Variants in FBN2 observed in about 807,000 individuals in gnomAD.
FBN2 encodes the protein fibrillin 2, also known as fibrillin-2.
In FBN2, 105 loss-of-function variants were observed where a neutral mutation model predicts 355.6. That is an observed-to-expected ratio of 0.30 (90% CI 0.25 to 0.35). FBN2 has a LOEUF of 0.35. Among genes scored for constraint, FBN2 ranks in the 10% least tolerant of loss-of-function variants. The pLI is 1.00. For missense variants in FBN2, 3,280 were observed against 3,758.7 expected (o/e 0.87, Z 3.33); for synonymous variants, 1,350 against 1,301.2 (o/e 1.04, Z -0.81).
At chr5:128,294,480 C>G (rs1581194573) in intron 48 of FBN2, among the ~76,000 whole-genome samples, 1 of 152,074 alleles carries the variant, frequency 6.6e-6, no homozygotes, top group East Asian at 1.9e-4. Flanking sequence ...CCTATTTCTC[C>G]ACATCCTCCC....
At chr5:128,276,866 G>A (rs531777621) in intron 58 of FBN2, among the ~76,000 whole-genome samples, 3 of 152,194 alleles carry the variant, frequency 2.0e-5, no homozygotes, top group Admixed American at 6.5e-5. Flanking sequence ...ACAGCACTAC[G>A]CCTCCTGGCT....
intron 47 of FBN2, 79 bp from the exon 48 acceptor site, chr5:128,301,015 T>C (rs1471800438): frequency 5.1e-6 from 7 of 1,372,270 alleles, no homozygotes; most frequent in South Asian, 1.2e-5. Context: ...CCAAATGATA[T>C]TAACATGAAT....
intron 31 of FBN2, among the ~76,000 whole-genome samples, chr5:128,333,632 G>A (rs1311326197): frequency 6.6e-6 from 1 of 151,750 alleles, no homozygotes; most frequent in Non-Finnish European, 1.5e-5. Context: ...TATTCACTGG[G>A]AATGTTATCT....
Position 128,291,585 on chromosome 5 carries a change from A to G in FBN2, c.6236T>C (p.Phe2079Ser). Residue 2079 changes from phenylalanine to serine, a missense_variant, in exon 49 of 65, where the codon TTC (phenylalanine) becomes TCC (serine). Phe to Ser is a radical substitution (Grantham distance 155). This residue lies in a region of FBN2 where 2,284 missense variants were observed against 2,749.5 expected (regional missense o/e 0.83). Transcript: ENST00000262464. ...AAAGCCAGGGGGGCAGAGGCACTGG[A>G]AGCCCCCTGGAGTATTAGTACAGGA... Reference protein sequence around the residue: ...FGSCTNTPGGFQCLCPPGFVL... With the variant: ...FGSCTNTPGGSQCLCPPGFVL... The G allele has an allele frequency of 6.2e-7, 1 of 1,613,532 alleles. No individual in the cohort carries two copies. The highest frequency in any genetic ancestry group is 1.1e-5 in the South Asian group (1 of 91,072).
At chr5:128,488,737 GA>G (rs1755416892) in intron 5 of FBN2, among the ~76,000 whole-genome samples, 1 of 150,990 alleles carries the variant, frequency 6.6e-6, no homozygotes, top group Non-Finnish European at 1.5e-5. Context: ...ATCTATGAGT[GA>G]GAACATGTGG....
At chr5:128,446,389 G>C in intron 7 of FBN2, 92 bp downstream of exon 7, 10 of 1,315,416 alleles carry the variant, frequency 7.6e-6, no homozygotes, top group Non-Finnish European at 9.8e-6. Flanking sequence ...AGTTTTAATT[G>C]TGACCAGTAG....
At chr5:128,356,608 T>A (rs192342302) in intron 20 of FBN2, among the ~76,000 whole-genome samples, 1 of 152,350 alleles carries the variant, frequency 6.6e-6, no homozygotes, top group African/African-American at 2.4e-5. Context: ...TGGGACAGTT[T>A]TGTTCCCTTT....
chr5:128,429,374 T>C (rs1415307279), intron 7 of FBN2, among the ~76,000 whole-genome samples: 3 of 152,082 alleles, frequency 2.0e-5, no homozygotes, highest in Non-Finnish European at 4.4e-5. Context: ...CTGAAGACAA[T>C]GGTTTACAGT....
intron 7 of FBN2, among the ~76,000 whole-genome samples, chr5:128,411,587 T>C (rs1268289149): frequency 1.3e-5 from 2 of 152,210 alleles, no homozygotes; most frequent in Non-Finnish European, 2.9e-5. Flanking sequence ...AGATGCTTCT[T>C]CTCTCCTTCC....
Position 128,311,439 on chromosome 5 carries a change from G to T in FBN2, c.4949-14C>A. 1 of 1,613,756 alleles carries T rather than the reference G, an allele frequency of 6.2e-7. No individual in the cohort carries two copies. The highest frequency in any genetic ancestry group is 1.1e-5 in the South Asian group (1 of 91,080). ...ATTCGTCAATGTCTACAAAAAGGGA[G>T]ACAGTGCACTTAAAACAAACACCTT... On this transcript the variant is annotated splice_polypyrimidine_tract_variant and intron_variant, in intron 38 of 64. Coordinates refer to ENST00000262464, the MANE Select transcript of FBN2 (RefSeq NM_001999.4).
At chr5:128,302,947 A>C (rs749974985) in intron 46 of FBN2, 26 bp downstream of exon 46, 1 of 1,167,816 alleles carries the variant, frequency 8.6e-7, no homozygotes. Context: ...AAATAGAAGC[A>C]ATAAAGGACT....
intron 5 of FBN2, among the ~76,000 whole-genome samples, chr5:128,495,230 T>C (rs1318540981): frequency 6.6e-6 from 1 of 151,860 alleles, no homozygotes; most frequent in Non-Finnish European, 1.5e-5. Context: ...TGGTGATAGA[T>C]CTATAGAGAG....
At chr5:128,445,863 A>T (rs1754051756) in intron 7 of FBN2, among the ~76,000 whole-genome samples, 1 of 152,160 alleles carries the variant, frequency 6.6e-6, no homozygotes, top group Admixed American at 6.5e-5. Flanking sequence ...TTATTCTATT[A>T]AGAACTGCTA....
intron 5 of FBN2, among the ~76,000 whole-genome samples, chr5:128,517,999 G>C (rs17164089): frequency 2.5e-4 from 38 of 152,024 alleles, no homozygotes; most frequent in Admixed American, 5.9e-4. Flanking sequence ...CACATTTTAC[G>C]AAGTTTAACT....
chr5:128,410,999 C>A (rs1322338029), intron 7 of FBN2, among the ~76,000 whole-genome samples: 1 of 152,158 alleles, frequency 6.6e-6, no homozygotes, highest in Non-Finnish European at 1.5e-5. Flanking sequence ...CTGACCAAAA[C>A]CCCTGCATTT....
At chr5:128,485,955 C>A (rs1423972559) in intron 5 of FBN2, among the ~76,000 whole-genome samples, 1 of 152,136 alleles carries the variant, frequency 6.6e-6, no homozygotes, top group African/African-American at 2.4e-5. Flanking sequence ...TTCTAAACAA[C>A]TGAGTGATCA....
chr5:128,273,368 C>T (rs544783835), intron 61 of FBN2, among the ~76,000 whole-genome samples: 2 of 152,268 alleles, frequency 1.3e-5, no homozygotes, highest in South Asian at 2.1e-4. Flanking sequence ...AGGAGTGAAG[C>T]GGGAGCTTGA....
intron 7 of FBN2, among the ~76,000 whole-genome samples, chr5:128,427,717 C>G (rs1260812200): frequency 6.6e-6 from 1 of 152,184 alleles, no homozygotes; most frequent in African/African-American, 2.4e-5. Flanking sequence ...TGACTTAGGA[C>G]TTTGCCTGTA....
At chr5:128,280,370 A>G in intron 55 of FBN2, 53 bp from the exon 56 acceptor site, 1 of 1,399,930 alleles carries the variant, frequency 7.1e-7, no homozygotes, top group Non-Finnish European at 1.0e-6. Flanking sequence ...ATTATAGTTT[A>G]CAAGCTATCT....
Sources: allele counts gnomAD v4.1 joint callset (sites outside exome capture counted in the v4.1 genomes callset), GRCh38; gene constraint gnomAD v4.1.1; regional missense constraint gnomAD v4.1.1; transcripts MANE v1.5; gene names NCBI Gene and HGNC (gene_info 2026-07-23, HGNC 2026-07-21).